IQCM: variants seen among roughly 807,000 people sequenced by gnomAD.
IQCM encodes IQ domain-containing protein M.
Under a neutral mutation model 57.6 loss-of-function variants are expected in IQCM, and 45 were observed. The observed-to-expected ratio is 0.78, with a 90% CI of 0.62 to 1.00. IQCM has a LOEUF of 1.00. Among genes scored for constraint, IQCM ranks in the 50% least tolerant of loss-of-function variants. The pLI is 0.00. For synonymous variants in IQCM, 148 were observed against 158.9 expected, an observed-to-expected ratio of 0.93 and a Z score of 0.51; for missense variants, 468 against 511.6, an observed-to-expected ratio of 0.91 and a Z score of 0.82.
intron 2 of IQCM, among the ~76,000 whole-genome samples, chr4:149,812,478 T>TCACACACA (rs1472319523): frequency 6.4e-5 from 9 of 141,632 alleles, no homozygotes; most frequent in African/African-American, 1.6e-4. Context: ...TCTCTCTCTC[T>TCACACACA]CTCACACACA....
At chr4:149,399,933 T>G (rs1468971746) in intron 13 of IQCM, among the ~76,000 whole-genome samples, 1 of 152,032 alleles carries the variant, frequency 6.6e-6, no homozygotes, top group Non-Finnish European at 1.5e-5. Flanking sequence ...AAAAACACCC[T>G]GTCATTTTAA....
chr4:149,798,763 G>C (rs527713168), intron 2 of IQCM, among the ~76,000 whole-genome samples: 1 of 151,924 alleles, frequency 6.6e-6, no homozygotes, highest in South Asian at 2.1e-4. Flanking sequence ...ACTATATAAC[G>C]ATGAAGGTGT....
chr4:149,354,285 A>C (rs1578762449), intron 13 of IQCM, among the ~76,000 whole-genome samples: 5 of 131,344 alleles, frequency 3.8e-5, no homozygotes, highest in Non-Finnish European at 4.7e-5. Flanking sequence ...AATGGCGTGA[A>C]CCCGGGAGGC....
chr4:149,532,330 C>T (rs1009617216), intron 12 of IQCM, among the ~76,000 whole-genome samples: 2 of 152,092 alleles, frequency 1.3e-5, no homozygotes, highest in African/African-American at 2.4e-5. Flanking sequence ...CCAGGAGACA[C>T]ATTGGCAAGA....
intron 12 of IQCM, among the ~76,000 whole-genome samples, chr4:149,530,675 C>T (rs746148079): frequency 7.2e-5 from 11 of 152,036 alleles, no homozygotes; most frequent in Non-Finnish European, 1.5e-4. Context: ...TCAGATAAGA[C>T]AGTCACAGAG....
chr4:149,542,592 A>G (rs996541198), intron 12 of IQCM, among the ~76,000 whole-genome samples: 2 of 152,104 alleles, frequency 1.3e-5, no homozygotes, highest in Non-Finnish European at 2.9e-5. Flanking sequence ...CTCCTCTAGC[A>G]TATAGATCAT....
At chr4:149,462,387 T>A (rs1310405653) in intron 12 of IQCM, among the ~76,000 whole-genome samples, 1 of 152,150 alleles carries the variant, frequency 6.6e-6, no homozygotes, top group Non-Finnish European at 1.5e-5. Context: ...CTACACAGAA[T>A]GGAAGGCCAA....
chr4:149,356,267 T>G (rs1384095016), intron 13 of IQCM, among the ~76,000 whole-genome samples: 1 of 152,232 alleles, frequency 6.6e-6, no homozygotes, highest in East Asian at 1.9e-4. Context: ...CATTTGTCAA[T>G]TTTGGCTTTT....
At chr4:149,707,921 T>C (rs1330433492) in intron 5 of IQCM, among the ~76,000 whole-genome samples, 1 of 152,070 alleles carries the variant, frequency 6.6e-6, no homozygotes, top group African/African-American at 2.4e-5. Flanking sequence ...CTTTTCTTGG[T>C]AGAATAATCA....
intron 7 of IQCM, among the ~76,000 whole-genome samples, chr4:149,677,433 T>G (rs1761841923): frequency 6.6e-6 from 1 of 152,000 alleles, no homozygotes; most frequent in African/African-American, 2.4e-5. Context: ...TCCAAACACT[T>G]GCTAGAGCTG....
intron 10 of IQCM, among the ~76,000 whole-genome samples, chr4:149,559,151 C>T (rs1749878297): frequency 1.3e-5 from 2 of 152,154 alleles, no homozygotes; most frequent in Non-Finnish European, 1.5e-5. Flanking sequence ...TCCCCATCAC[C>T]ACCATGCACT....
intron 8 of IQCM, among the ~76,000 whole-genome samples, chr4:149,604,874 G>A (rs1412831004): frequency 2.0e-5 from 3 of 152,076 alleles, no homozygotes; most frequent in Non-Finnish European, 4.4e-5. Context: ...GGTGATGGGG[G>A]GTGGGAGGAG....
intron 13 of IQCM, among the ~76,000 whole-genome samples, chr4:149,415,705 T>C (rs188814723): frequency 1.3e-5 from 2 of 152,244 alleles, no homozygotes; most frequent in Admixed American, 6.5e-5. Flanking sequence ...CATAATGGAA[T>C]ATGTAATATT....
intron 13 of IQCM, among the ~76,000 whole-genome samples, chr4:149,380,038 G>T (rs1277771323): frequency 6.6e-6 from 1 of 152,254 alleles, no homozygotes. Context: ...CTTGTCTGCT[G>T]CCATGTGAGA....
chr4:149,407,978 G>A lies in IQCM; in HGVS notation c.1390+25418C>T, dbSNP rs1471119788. ...CCCACCTACAGTGTATAAGCATTCC[G>A]TTTTCTCTATAGCCTCACCAACATC... On this transcript the variant is annotated intron_variant, in intron 13 of 13. Transcript: ENST00000636793. Among the ~76,000 whole-genome samples the A allele has an allele frequency of 3.9e-5, 6 of 152,164 alleles. No homozygotes were observed. The East Asian group carries it at 7.7e-4, about 20-fold the overall frequency.
At chr4:149,693,765 A>G (rs1728514427) in intron 5 of IQCM, among the ~76,000 whole-genome samples, 1 of 152,214 alleles carries the variant, frequency 6.6e-6, no homozygotes, top group Admixed American at 6.6e-5. Context: ...CCTATTTTAT[A>G]TACCATTGTG....
intron 5 of IQCM, among the ~76,000 whole-genome samples, chr4:149,706,550 C>T (rs916153319): frequency 1.3e-5 from 2 of 151,910 alleles, no homozygotes; most frequent in Non-Finnish European, 2.9e-5. Flanking sequence ...GAACTCATGA[C>T]TTATAAGGAA....
At chr4:149,441,623 A>G (rs1735949819) in intron 12 of IQCM, among the ~76,000 whole-genome samples, 2 of 152,098 alleles carry the variant, frequency 1.3e-5, no homozygotes, top group East Asian at 1.9e-4. Flanking sequence ...CCTTCTTTCC[A>G]TTAATACGGT....
intron 8 of IQCM, among the ~76,000 whole-genome samples, chr4:149,592,536 C>T (rs996660384): frequency 3.3e-5 from 5 of 151,834 alleles, no homozygotes; most frequent in Non-Finnish European, 7.4e-5. Flanking sequence ...CTTGCCCATG[C>T]CTATGTCCTG....
Sources: gnomAD v4.1 joint callset for allele counts (sites outside exome capture counted in the v4.1 genomes callset) on GRCh38, gnomAD v4.1.1 for gene constraint, MANE v1.5 for transcripts, NCBI Gene and HGNC (gene_info 2026-07-23, HGNC 2026-07-21) for gene names.